DNAH10: variants seen among roughly 807,000 people sequenced by gnomAD.
The protein encoded by DNAH10 is axonemal beta dynein heavy chain 10.
In DNAH10, 348 loss-of-function variants were observed where a neutral mutation model predicts 506.6. The ratio of observed to expected loss-of-function variants is 0.69; its 90% CI spans 0.63 to 0.75. The LOEUF (loss-of-function observed/expected upper bound fraction) is 0.75, where lower values mean the gene tolerates loss of function less well. Ranked by LOEUF, DNAH10 falls within the 30% of genes least tolerant of loss-of-function variation. The probability of loss-of-function intolerance (pLI) is 0.00; values close to 1 mark genes in which losing one functional copy is unlikely to be tolerated. For synonymous variants in DNAH10, 2,059 were observed against 2,198.6 expected, an observed-to-expected ratio of 0.94 and a Z score of 1.78; for missense variants, 5,179 against 5,787.1, an observed-to-expected ratio of 0.89 and a Z score of 3.41.
chr12:123,851,040 G>T lies in DNAH10; in HGVS notation c.6255G>T (p.Glu2085Asp), dbSNP rs200400190. 24 of 1,612,322 alleles carry T rather than the reference G, an allele frequency of 1.5e-5. No homozygotes were observed. Among genetic ancestry groups the T allele is most frequent in the Non-Finnish European group, 4.2e-6 (5 of 1,178,868 alleles). ...TGCCCGACCTGCAGCAGATCTGTGA[G>T]ATCATGCTCTTCTCTGAGGGCTTCC... is the stretch of plus-strand genomic sequence containing the variant. ...VIVPDLQQIC[E>D]IMLFSEGFLE... is the part of the protein sequence containing the mutation. The change falls in exon 35 of 79, where the codon GAG becomes GAT. Residue 2085 changes from glutamate (E) to aspartate (D), a missense_variant. Glu to Asp is a conservative substitution (Grantham distance 45, BLOSUM62 2). This residue lies in a region of DNAH10 where 4,844 missense variants were observed against 5,430.5 expected (regional missense o/e 0.89). Coordinates refer to ENST00000673944, the MANE Select transcript of DNAH10 (RefSeq NM_001372106.1).
rs375025399 is a variant in DNAH10 at position 123,879,802 on chromosome 12, G to T, written c.8634+1G>T. 1.3e-4 allele frequency: 213 copies of T among 1,613,650 alleles called. No individual in the cohort carries two copies. Among genetic ancestry groups the T allele is most frequent in the Non-Finnish European group, 1.7e-4 (201 of 1,179,714 alleles). The stretch of plus-strand genomic sequence containing the variant: ...CGAGGCGGCCAAGGCTCTGTTCCAG[G>T]TGGGGATGAGCCCCACCCTGTCCAT... On this transcript the variant is annotated splice_donor_variant, in intron 50 of 78. Transcript: ENST00000673944. LOFTEE classifies it high-confidence loss of function.
intron 1 of DNAH10, among the ~76,000 whole-genome samples, chr12:123,763,299 A>G (rs574701829): frequency 4.1e-4 from 62 of 152,154 alleles, no homozygotes; most frequent in Admixed American, 1.9e-3. Context: ...AGGTGAGAGG[A>G]GGAGGCAGGA....
chr12:123,898,880 G>C (rs1953384995), intron 56 of DNAH10, 66 bp downstream of exon 56: 1 of 1,500,932 alleles, frequency 6.7e-7, no homozygotes, highest in Admixed American at 2.2e-5. Context: ...GTGAGTGAGG[G>C]CGGGGCCAGG....
intron 3 of DNAH10, among the ~76,000 whole-genome samples, chr12:123,772,189 C>T (rs2135979636): frequency 6.6e-6 from 1 of 152,308 alleles, no homozygotes; most frequent in African/African-American, 2.4e-5. Context: ...CCTTCATCTC[C>T]AGCCCTCACC....
chr12:123,845,054 C>T (rs556786591), intron 30 of DNAH10, among the ~76,000 whole-genome samples: 25 of 152,318 alleles, frequency 1.6e-4, no homozygotes, highest in Admixed American at 1.3e-4. Context: ...CTCTGTCACT[C>T]AGGTTGGAGT....
chr12:123,884,333 C>T (rs1471826917), intron 51 of DNAH10, among the ~76,000 whole-genome samples: 2 of 152,254 alleles, frequency 1.3e-5, no homozygotes, highest in Non-Finnish European at 2.9e-5. Flanking sequence ...TCAGATTTAA[C>T]TCAGCATCAT....
chr12:123,783,826 C>G lies in DNAH10; in HGVS notation c.1000-121C>G, dbSNP rs900709330. 4 of 863,230 alleles carry G rather than the reference C, an allele frequency of 4.6e-6. No homozygotes were observed. In the African/African-American group the frequency reaches 6.8e-5, roughly 15 times the overall value. 53.5% of individuals were successfully genotyped at this position (863,230 alleles called of 1,614,324 possible). ...GGACCACCCAGGGTCAAGAGCCCAC[C>G]CCTGAAGACCCTGAAGGATTGGAGC... On this transcript the variant is annotated intron_variant, in intron 7 of 78. Coordinates refer to ENST00000673944, the MANE Select transcript of DNAH10 (RefSeq NM_001372106.1).
In DNAH10 at chr12:123,910,907, G is replaced by T. The variant is rs140811639; in HGVS notation, c.10134+235G>T. ...AGAGTTTCAAACTTCCTGTGAAAGT[G>T]TAGTATAAAGATGTTCAGACCAGGC... On this transcript the variant is annotated intron_variant, in intron 59 of 78. Coordinates refer to ENST00000673944, the MANE Select transcript of DNAH10 (RefSeq NM_001372106.1). 2.6e-3 allele frequency among the ~76,000 whole-genome samples: 398 copies of T among 152,206 alleles called. 1 individual carries two copies. The highest frequency in any genetic ancestry group is 9.2e-3 in the African/African-American group (382 of 41,530).
intron 51 of DNAH10, among the ~76,000 whole-genome samples, chr12:123,886,881 T>C (rs1952758407): frequency 6.6e-6 from 1 of 152,212 alleles, no homozygotes. Flanking sequence ...GGGTCTGATT[T>C]TCTGTAAACT....
chr12:123,831,163 A>G (rs959647601), intron 26 of DNAH10, among the ~76,000 whole-genome samples: 3 of 152,088 alleles, frequency 2.0e-5, no homozygotes, highest in Non-Finnish European at 4.4e-5. Context: ...ATGGATGTTC[A>G]TGGTAGAAAA....
At chr12:123,878,027 G>A in intron 48 of DNAH10, 119 bp downstream of exon 48, 1 of 1,304,930 alleles carries the variant, frequency 7.7e-7, no homozygotes, top group Non-Finnish European at 1.0e-6. Flanking sequence ...ATTACCCAAT[G>A]TCTTTGCTTA....
At chr12:123,851,359 G>A (rs928095085) in intron 35 of DNAH10, among the ~76,000 whole-genome samples, 6 of 146,304 alleles carry the variant, frequency 4.1e-5, no homozygotes, top group Non-Finnish European at 9.0e-5. Flanking sequence ...CCTAGGATGT[G>A]TCAGCTCCAT....
At chr12:123,929,906 A>G (rs1955129398) in intron 72 of DNAH10, 147 bp downstream of exon 72, 1 of 698,850 alleles carries the variant, frequency 1.4e-6, no homozygotes. Flanking sequence ...CTCTGCTCTC[A>G]CCTGGTTGTT....
At chr12:123,797,182 G>A (rs1958310261) in intron 13 of DNAH10, among the ~76,000 whole-genome samples, 1 of 151,994 alleles carries the variant, frequency 6.6e-6, no homozygotes, top group Non-Finnish European at 1.5e-5. Flanking sequence ...TGTATTTAAT[G>A]TTTTAATCCT....
rs765798473 is a variant in DNAH10 at position 123,813,626 on chromosome 12, C to T, written c.3607C>T (p.His1203Tyr). Residue 1203 changes from histidine (H) to tyrosine (Y), a missense_variant, in exon 20 of 79, where the codon CAT becomes TAT. Transcript: ENST00000673944. ...AGCAAAAGAGGAGCTCTATAATCTC[C>T]ATGAAGAGATGGAGGTACTCAATCG... ...ESAKEELYNL[H>Y]EEMEHLAKNL... is the part of the protein sequence containing the mutation. 56 of 1,613,990 alleles carry T rather than the reference C, an allele frequency of 3.5e-5. No homozygotes were observed. In the Admixed American group the frequency reaches 8.7e-4, roughly 25 times the overall value.
At chr12:123,898,597 T>C (rs1953364152) in intron 55 of DNAH10, 56 bp from the exon 56 acceptor site, 5 of 1,437,468 alleles carry the variant, frequency 3.5e-6, no homozygotes, top group Non-Finnish European at 3.7e-6. Context: ...ATCTCAGTGA[T>C]TGTGTTGCGA....
intron 14 of DNAH10, 145 bp from the exon 15 acceptor site, chr12:123,800,071 A>G (rs1743770970): frequency 1.6e-6 from 1 of 632,958 alleles, no homozygotes. Context: ...AACAAAATAC[A>G]TATTCCAGCC....
At chr12:123,832,983 C>CT in intron 26 of DNAH10, 131 bp from the exon 27 acceptor site, 1 of 674,528 alleles carries the variant, frequency 1.5e-6, no homozygotes, top group Non-Finnish European at 2.6e-6. Flanking sequence ...AGAATCCCAA[C>CT]TTTTCAGGAA....
intron 52 of DNAH10, among the ~76,000 whole-genome samples, chr12:123,887,588 G>A (rs1433466657): frequency 2.6e-5 from 4 of 152,096 alleles, no homozygotes; most frequent in Admixed American, 6.5e-5. Flanking sequence ...GCCGTGCCCC[G>A]GGCTGTGCTA....
Sources: gnomAD v4.1 joint callset for allele counts (sites outside exome capture counted in the v4.1 genomes callset) on GRCh38, gnomAD v4.1.1 for gene constraint, gnomAD v4.1.1 regional missense constraint, MANE v1.5 for transcripts, NCBI Gene and HGNC (gene_info 2026-07-23, HGNC 2026-07-21) for gene names.